BRINP3: variants seen among roughly 807,000 people sequenced by gnomAD.
The protein encoded by BRINP3 is BMP/retinoic acid inducible neural specific 3.
Under a neutral mutation model 71.0 loss-of-function variants are expected in BRINP3, and 19 were observed. The ratio of observed to expected loss-of-function variants is 0.27; its 90% confidence interval spans 0.19 to 0.39. BRINP3 has a LOEUF of 0.39. Among genes scored for constraint, BRINP3 ranks in the 10% least tolerant of loss-of-function variants. The pLI is 1.00. For missense variants in BRINP3, 959 were observed against 940.8 expected, an observed-to-expected ratio of 1.02 and a Z score of -0.25; for synonymous variants, 380 against 337.7, an observed-to-expected ratio of 1.13 and a Z score of -1.37.
At chr1:190,296,750 T>C (rs1379677203) in intron 2 of BRINP3, among the ~76,000 whole-genome samples, 1 of 151,998 alleles carries the variant, frequency 6.6e-6, no homozygotes, top group Non-Finnish European at 1.5e-5. Flanking sequence ...ACCATTCCTA[T>C]ACACTAACAA....
chr1:190,117,125 T>G (rs566375166), intron 7 of BRINP3, among the ~76,000 whole-genome samples: 4 of 152,164 alleles, frequency 2.6e-5, no homozygotes, highest in Admixed American at 2.6e-4. Context: ...AATTGTTTCT[T>G]GTTAGAGAGA....
chr1:190,426,082 T>C (rs1249132228), intron 2 of BRINP3, among the ~76,000 whole-genome samples: 1 of 151,852 alleles, frequency 6.6e-6, no homozygotes, highest in Non-Finnish European at 1.5e-5. Flanking sequence ...TTCAATATTA[T>C]AATAAAATCT....
intron 4 of BRINP3, 108 bp downstream of exon 4, chr1:190,264,756 TA>T: frequency 1.3e-6 from 1 of 784,114 alleles, no homozygotes; most frequent in Non-Finnish European, 1.9e-6. Flanking sequence ...TATATTTTTA[TA>T]AAATAATTGT....
chr1:190,227,091 C>T (rs1298036084), intron 5 of BRINP3, among the ~76,000 whole-genome samples: 1 of 151,718 alleles, frequency 6.6e-6, no homozygotes, highest in Non-Finnish European at 1.5e-5. Context: ...GTATGTCTGG[C>T]TACTTAAGAA....
intron 4 of BRINP3, among the ~76,000 whole-genome samples, chr1:190,253,989 A>G (rs2102827428): frequency 6.6e-6 from 1 of 152,258 alleles, no homozygotes; most frequent in South Asian, 2.1e-4. Context: ...ACATATGGCT[A>G]GCCAGTTTTC....
intron 2 of BRINP3, among the ~76,000 whole-genome samples, chr1:190,397,417 T>C (rs1671652370): frequency 6.6e-6 from 1 of 151,914 alleles, no homozygotes; most frequent in Non-Finnish European, 1.5e-5. Flanking sequence ...TCTAGCTCTC[T>C]TTCTCCCAGA....
intron 5 of BRINP3, among the ~76,000 whole-genome samples, chr1:190,227,454 T>A (rs1417855536): frequency 6.6e-6 from 1 of 151,810 alleles, no homozygotes; most frequent in African/African-American, 2.4e-5. Flanking sequence ...TCATTTTGAA[T>A]AAAATTGCTA....
intron 6 of BRINP3, among the ~76,000 whole-genome samples, chr1:190,221,100 C>G (rs1016111681): frequency 6.6e-6 from 1 of 152,074 alleles, no homozygotes; most frequent in African/African-American, 2.4e-5. Context: ...TGCCTGTAAT[C>G]CCAACTACTT....
At chr1:190,128,612 T>G (rs893057209) in intron 7 of BRINP3, among the ~76,000 whole-genome samples, 4 of 151,788 alleles carry the variant, frequency 2.6e-5, no homozygotes, top group African/African-American at 9.7e-5. Context: ...TAGAATGAGA[T>G]ATAATTCCAC....
intron 6 of BRINP3, among the ~76,000 whole-genome samples, chr1:190,184,633 GA>G (rs948139712): frequency 4.0e-5 from 6 of 151,778 alleles, no homozygotes; most frequent in Admixed American, 6.6e-5. Context: ...CGCAAAAACA[GA>G]AAAAAAATAC....
At chr1:190,283,757 T>G (rs1663216325) in intron 2 of BRINP3, among the ~76,000 whole-genome samples, 1 of 151,232 alleles carries the variant, frequency 6.6e-6, no homozygotes, top group African/African-American at 2.4e-5. Flanking sequence ...TATATAGTAA[T>G]ACAAAACTTC....
intron 2 of BRINP3, among the ~76,000 whole-genome samples, chr1:190,437,561 C>G (rs1416069922): frequency 2.6e-5 from 4 of 151,960 alleles, no homozygotes; most frequent in African/African-American, 9.6e-5. Flanking sequence ...CCCTTCTCCT[C>G]TCTGCCCTAC....
intron 7 of BRINP3, 55 bp from the exon 8 acceptor site, chr1:190,099,189 G>A (rs1271027316): frequency 2.0e-6 from 3 of 1,500,068 alleles, no homozygotes; most frequent in Admixed American, 2.0e-5. Context: ...TCTGTGTACT[G>A]CAGTAAACCG....
At chr1:190,360,540 T>G (rs1669074099) in intron 2 of BRINP3, among the ~76,000 whole-genome samples, 1 of 152,184 alleles carries the variant, frequency 6.6e-6, no homozygotes, top group Non-Finnish European at 1.5e-5. Context: ...AATTCTTTCA[T>G]TAACTTTTTT....
chr1:190,174,496 A>G (rs1652318652), intron 6 of BRINP3, among the ~76,000 whole-genome samples: 1 of 152,142 alleles, frequency 6.6e-6, no homozygotes, highest in Non-Finnish European at 1.5e-5. Context: ...TATATGAGAT[A>G]TTGTATACAT....
intron 4 of BRINP3, among the ~76,000 whole-genome samples, chr1:190,237,866 C>A (rs935862153): frequency 6.6e-6 from 1 of 152,046 alleles, no homozygotes. Flanking sequence ...TATGCCCAAA[C>A]AGGCATAATC....
intron 1 of BRINP3, among the ~76,000 whole-genome samples, chr1:190,458,333 C>T (rs191528250): frequency 6.6e-6 from 1 of 151,948 alleles, no homozygotes; most frequent in African/African-American, 2.4e-5. Context: ...TTGAGATATC[C>T]CAATAAAGTT....
At chr1:190,336,359 G>T (rs1380441250) in intron 2 of BRINP3, among the ~76,000 whole-genome samples, 1 of 151,840 alleles carries the variant, frequency 6.6e-6, no homozygotes, top group Non-Finnish European at 1.5e-5. Flanking sequence ...ATAGTTTTTT[G>T]TTTGTTTGTT....
intron 2 of BRINP3, among the ~76,000 whole-genome samples, chr1:190,420,379 A>G (rs1431993876): frequency 1.3e-5 from 2 of 151,986 alleles, no homozygotes; most frequent in Non-Finnish European, 2.9e-5. Context: ...ACAGGGGAGA[A>G]GAAAAGATTT....
Sources: allele counts gnomAD v4.1 joint callset (sites outside exome capture counted in the v4.1 genomes callset), GRCh38; gene constraint gnomAD v4.1.1; transcripts MANE v1.5; gene names NCBI Gene and HGNC (gene_info 2026-07-23, HGNC 2026-07-21).